Variants in GPC5 observed in about 807,000 individuals in gnomAD.
GPC5 encodes glypican 5.
GPC5 carries 47 observed loss-of-function variants against 53.9 expected under a neutral mutation model. That is an observed-to-expected ratio of 0.87 (90% CI 0.69 to 1.11). The LOEUF is 1.11. GPC5 is among the 50% of genes most tolerant of loss of function. The pLI, the probability that GPC5 is intolerant of heterozygous loss-of-function variation, is 0.00. For synonymous variants in GPC5, 286 were observed against 263.3 expected (o/e 1.09, Z -0.84); for missense variants, 748 against 713.1 (o/e 1.05, Z -0.56).
chr13:92,220,130 A>G (rs2042438130), intron 7 of GPC5, among the ~76,000 whole-genome samples: 1 of 152,238 alleles, frequency 6.6e-6, no homozygotes, highest in Admixed American at 6.5e-5. Flanking sequence ...TCACAGTTCA[A>G]TGCAGTAGTG....
At chr13:92,102,857 G>A in intron 6 of GPC5, among the ~76,000 whole-genome samples, 1 of 152,220 alleles carries the variant, frequency 6.6e-6, no homozygotes, top group East Asian at 1.9e-4. Flanking sequence ...GTTTGTTGAT[G>A]AGGTTGTTGT....
At chr13:91,832,293 T>C (rs1453255671) in intron 5 of GPC5, among the ~76,000 whole-genome samples, 4 of 122,792 alleles carry the variant, frequency 3.3e-5, no homozygotes, top group Non-Finnish European at 7.1e-5. Flanking sequence ...CAACCATGCT[T>C]TTTTCTCTTT....
chr13:92,765,882 T>G (rs1378099322), intron 7 of GPC5, among the ~76,000 whole-genome samples: 2 of 151,750 alleles, frequency 1.3e-5, no homozygotes, highest in East Asian at 3.9e-4. Context: ...GAAAATAAAT[T>G]TTATTAATAT....
chr13:92,534,990 C>T (rs1881677721), intron 7 of GPC5, among the ~76,000 whole-genome samples: 2 of 152,066 alleles, frequency 1.3e-5, no homozygotes, highest in African/African-American at 2.4e-5. Flanking sequence ...TTTCTGTGCT[C>T]GATTCTGGCC....
chr13:92,528,598 G>A (rs116854650), intron 7 of GPC5, among the ~76,000 whole-genome samples: 4 of 152,082 alleles, frequency 2.6e-5, no homozygotes, highest in Non-Finnish European at 5.9e-5. Flanking sequence ...ATTTCTTGAT[G>A]AAGTGATCTA....
In GPC5 at chr13:92,866,966, T is replaced by C. The variant is rs1192779536; in HGVS notation, c.*527T>C. The C allele has an allele frequency of 2.6e-5, 4 of 152,170 alleles. No homozygotes were observed. Among genetic ancestry groups the C allele is most frequent in the African/African-American group, 9.7e-5 (4 of 41,444 alleles). The allele number at this position is 152,170 out of a possible 1,614,324, so 9.4% of individuals were successfully genotyped here. A position where few individuals can be genotyped will look rare whatever the true frequency, so the allele number is the denominator to read the frequency against. On this transcript the variant is annotated 3_prime_UTR_variant, in exon 8 of 8. Transcript: ENST00000377067. The stretch of plus-strand genomic sequence containing the variant: ...GTAGAAGGAAATGTCTGAATGTCTA[T>C]AAGTTATGGGGTAGATTCTTGAGAA...
intron 7 of GPC5, among the ~76,000 whole-genome samples, chr13:92,472,821 C>G (rs1230791475): frequency 2.6e-5 from 4 of 152,026 alleles, no homozygotes; most frequent in African/African-American, 4.8e-5. Context: ...TAATGACACA[C>G]TTAATTGACA....
chr13:92,660,632 T>A (rs1279515679), intron 7 of GPC5, among the ~76,000 whole-genome samples: 1 of 152,040 alleles, frequency 6.6e-6, no homozygotes, highest in East Asian at 1.9e-4. Flanking sequence ...TTCCACGTAA[T>A]GATCTCTCTG....
intron 7 of GPC5, among the ~76,000 whole-genome samples, chr13:92,450,401 C>T (rs889592176): frequency 2.0e-5 from 3 of 152,174 alleles, no homozygotes; most frequent in South Asian, 2.1e-4. Flanking sequence ...TACCCATAAC[C>T]TGAAGCTAAT....
rs753456471 is a variant in GPC5 at position 92,487,642 on chromosome 13, C to T, written c.1561+342653C>T. On this transcript the variant is annotated intron_variant, in intron 7 of 7. Coordinates refer to ENST00000377067, the MANE Select transcript of GPC5 (RefSeq NM_004466.6). ...TGTTTATTTCCAAACTATTTAAGTG[C>T]TGCACGTGACCCCAAAGTTTATCTT... Among the ~76,000 whole-genome samples, 5 of 151,940 alleles carry T rather than the reference C, an allele frequency of 3.3e-5. No individual in the cohort carries two copies. In the East Asian group the frequency reaches 7.7e-4, roughly 24 times the overall value.
At chr13:92,803,841 G>T (rs921122980) in intron 7 of GPC5, among the ~76,000 whole-genome samples, 7 of 151,862 alleles carry the variant, frequency 4.6e-5, no homozygotes, top group African/African-American at 1.7e-4. Flanking sequence ...ACAATGATTT[G>T]CTTAGAATCA....
At chr13:92,345,323 C>T (rs925761805) in intron 7 of GPC5, among the ~76,000 whole-genome samples, 9 of 151,918 alleles carry the variant, frequency 5.9e-5, no homozygotes, top group African/African-American at 2.2e-4. Flanking sequence ...ATTGAATGTA[C>T]GTAATATAAA....
intron 2 of GPC5, among the ~76,000 whole-genome samples, chr13:91,683,328 A>C (rs148835958): frequency 2.0e-3 from 301 of 152,322 alleles, no homozygotes; most frequent in Middle Eastern, 3.4e-3. Context: ...CCTTGATTTC[A>C]GCCTAGTGAC....
chr13:91,602,918 A>G (rs1244092961), intron 2 of GPC5, among the ~76,000 whole-genome samples: 1 of 152,220 alleles, frequency 6.6e-6, no homozygotes, highest in Non-Finnish European at 1.5e-5. Flanking sequence ...TACGCCTAGA[A>G]TATGGAGTTA....
chr13:92,673,754 T>A (rs1464540563), intron 7 of GPC5, among the ~76,000 whole-genome samples: 1 of 152,156 alleles, frequency 6.6e-6, no homozygotes, highest in Non-Finnish European at 1.5e-5. Flanking sequence ...AAATCAAAAT[T>A]TAAAGACATA....
intron 7 of GPC5, among the ~76,000 whole-genome samples, chr13:92,551,523 T>C (rs1416977084): frequency 6.6e-6 from 1 of 151,904 alleles, no homozygotes; most frequent in African/African-American, 2.4e-5. Flanking sequence ...CACATAGGAA[T>C]ATAATTTCAT....
intron 7 of GPC5, among the ~76,000 whole-genome samples, chr13:92,855,968 C>G (rs902235270): frequency 2.6e-5 from 4 of 151,878 alleles, no homozygotes; most frequent in Non-Finnish European, 5.9e-5. Context: ...GAAACTATTC[C>G]AAAAAAGTAA....
chr13:91,882,415 T>C (rs767778910), intron 5 of GPC5, among the ~76,000 whole-genome samples: 15 of 152,040 alleles, frequency 9.9e-5, no homozygotes, highest in Non-Finnish European at 2.1e-4. Flanking sequence ...AAATGTGACA[T>C]TCATTTAGTG....
At chr13:92,408,411 A>G (rs1875885921) in intron 7 of GPC5, among the ~76,000 whole-genome samples, 1 of 152,138 alleles carries the variant, frequency 6.6e-6, no homozygotes. Flanking sequence ...AGACAATATA[A>G]TATGTAGAAG....
Sources: allele counts gnomAD v4.1 joint callset (sites outside exome capture counted in the v4.1 genomes callset), GRCh38; gene constraint gnomAD v4.1.1; transcripts MANE v1.5; gene names NCBI Gene and HGNC (gene_info 2026-07-23, HGNC 2026-07-21).